TOX: variants seen among roughly 807,000 people sequenced by gnomAD.
The protein encoded by TOX is thymocyte selection associated high mobility group box.
Under a neutral mutation model 53.7 loss-of-function variants are expected in TOX, and 11 were observed. The observed-to-expected ratio is 0.20, with a 90% confidence interval of 0.13 to 0.34. TOX has a LOEUF of 0.34. Ranked by LOEUF, TOX falls within the 10% of genes least tolerant of loss-of-function variation. The pLI is 1.00. For synonymous variants in TOX, 225 were observed against 245.3 expected (o/e 0.92, Z 0.77); for missense variants, 570 against 664.6 (o/e 0.86, Z 1.56).
chr8:58,984,964 TG>T (rs1261775037), intron 1 of TOX, among the ~76,000 whole-genome samples: 1 of 151,216 alleles, frequency 6.6e-6, no homozygotes, highest in Non-Finnish European at 1.5e-5. Context: ...ATTTAACCTC[TG>T]GGTATATAAT....
chr8:59,042,958 G>T (rs1056393748), intron 1 of TOX, among the ~76,000 whole-genome samples: 1 of 152,050 alleles, frequency 6.6e-6, no homozygotes, highest in Admixed American at 6.6e-5. Flanking sequence ...CATCTTAAAT[G>T]TATTCTCAAC....
rs988459246 is a variant in TOX, at chr8:58,805,756, A to T, written c.*1991T>A. On this transcript the variant is annotated 3_prime_UTR_variant, in exon 9 of 9. Transcript: ENST00000361421. ...AATAAACTGTGAACTTAATCACATG[A>T]GTTCTTATACAGTTTCAAGACAGGA... The T allele has an allele frequency of 6.6e-6, 1 of 152,666 alleles. No homozygotes were observed. The highest frequency in any genetic ancestry group is 1.5e-5 in the Non-Finnish European group (1 of 68,034). 9.5% of individuals were successfully genotyped at this position (152,666 alleles called of 1,614,324 possible).
intron 3 of TOX, among the ~76,000 whole-genome samples, chr8:58,895,221 T>C (rs890431669): frequency 1.3e-5 from 2 of 152,188 alleles, no homozygotes. Flanking sequence ...GATAGAGTTT[T>C]GATTGCTTGG....
intron 3 of TOX, among the ~76,000 whole-genome samples, chr8:58,926,410 G>A (rs13439552): frequency 0.013 from 2,007 of 152,236 alleles, 58 homozygotes; most frequent in African/African-American, 0.046. Context: ...TCCCAGCCAC[G>A]TCAATTTATC....
intron 1 of TOX, among the ~76,000 whole-genome samples, chr8:58,979,606 C>A (rs556797705): frequency 2.0e-5 from 3 of 152,230 alleles, no homozygotes; most frequent in African/African-American, 7.2e-5. Context: ...GATATTTTTG[C>A]ATTCAAGCTA....
chr8:59,055,211 CA>C (rs1563431834), intron 1 of TOX, among the ~76,000 whole-genome samples: 1 of 152,142 alleles, frequency 6.6e-6, no homozygotes, highest in African/African-American at 2.4e-5. Context: ...GTGCTCCGAT[CA>C]GCTGCAAACA....
At chr8:58,853,261 T>C (rs1810856797) in intron 3 of TOX, among the ~76,000 whole-genome samples, 3 of 152,196 alleles carry the variant, frequency 2.0e-5, no homozygotes, top group Admixed American at 2.0e-4. Flanking sequence ...ACCTGCCTTT[T>C]CTAAGTCCGA....
intron 6 of TOX, among the ~76,000 whole-genome samples, chr8:58,821,021 A>G (rs1350634737): frequency 6.6e-6 from 1 of 152,212 alleles, no homozygotes; most frequent in Non-Finnish European, 1.5e-5. Flanking sequence ...AATAGCGTGT[A>G]AAATTGCTTA....
chr8:58,907,427 C>G (rs1282459091), intron 3 of TOX, among the ~76,000 whole-genome samples: 1 of 152,110 alleles, frequency 6.6e-6, no homozygotes, highest in Non-Finnish European at 1.5e-5. Context: ...AACTTCATCT[C>G]TACTAAAAAT....
At chr8:59,012,615 T>A (rs1015059943) in intron 1 of TOX, among the ~76,000 whole-genome samples, 15 of 152,248 alleles carry the variant, frequency 9.9e-5, no homozygotes, top group African/African-American at 3.6e-4. Context: ...AAAAGGCTTC[T>A]GGAATTATAA....
chr8:59,006,190 T>C (rs1813789625), intron 1 of TOX, among the ~76,000 whole-genome samples: 1 of 152,240 alleles, frequency 6.6e-6, no homozygotes, highest in Non-Finnish European at 1.5e-5. Flanking sequence ...TGTGCTTTTA[T>C]TTAGTAAGAG....
chr8:59,092,318 C>CATT (rs1554545797), intron 1 of TOX, among the ~76,000 whole-genome samples: 2 of 101,800 alleles, frequency 2.0e-5, no homozygotes, highest in East Asian at 5.2e-4. Context: ...ATTATATATA[C>CATT]ATATATATAT....
chr8:58,808,019 C>T, intron 8 of TOX, 99 bp downstream of exon 8: 1 of 1,485,020 alleles, frequency 6.7e-7, no homozygotes, highest in Non-Finnish European at 9.1e-7. Context: ...GTGAAACTAT[C>T]CCGGATCATG....
chr8:58,961,928 T>C (rs1162518821), intron 1 of TOX, among the ~76,000 whole-genome samples: 1 of 152,236 alleles, frequency 6.6e-6, no homozygotes. Context: ...CACCCACTGT[T>C]GGAGTACACT....
intron 1 of TOX, among the ~76,000 whole-genome samples, chr8:59,111,164 T>C (rs1290391961): frequency 2.6e-5 from 4 of 152,112 alleles, no homozygotes; most frequent in African/African-American, 9.7e-5. Flanking sequence ...GGGAATCACA[T>C]CCTCTTATGG....
chr8:59,040,808 G>A (rs991494643), intron 1 of TOX, among the ~76,000 whole-genome samples: 18 of 152,294 alleles, frequency 1.2e-4, no homozygotes, highest in African/African-American at 4.1e-4. Context: ...GCTGCCTCTG[G>A]GCTTGGGATG....
At chr8:59,106,432 T>C (rs561439237) in intron 1 of TOX, among the ~76,000 whole-genome samples, 1 of 152,196 alleles carries the variant, frequency 6.6e-6, no homozygotes, top group South Asian at 2.1e-4. Flanking sequence ...AAGTATATTA[T>C]AAGTACAGAG....
At position 59,118,952 on chromosome 8, in the gene TOX, G is replaced by C. The variant is rs1489605334; in HGVS notation, c.36C>G (p.Pro12=). 1.2e-6 allele frequency: 2 copies of C among 1,602,676 alleles called. No homozygotes were observed. Among genetic ancestry groups the C allele is most frequent in the Non-Finnish European group, 1.7e-6 (2 of 1,174,200 alleles). Residue 12 remains proline, a synonymous_variant, in exon 1 of 9, where the codon CCC becomes CCG. Coordinates refer to ENST00000361421, the MANE Select transcript of TOX (RefSeq NM_014729.3). This position sits in a 1 kb window ranked among gnomAD's most constrained non-coding sequence, Gnocchi z 4.1. ...DVRFYPPPAQ[P]AAAPDAPCLG... ...GACAGGGAGCGTCGGGCGCAGCGGC[G>C]GGCTGGGCTGGAGGTGGATAAAATC...
At chr8:58,963,562 G>A (rs2129178846) in intron 1 of TOX, among the ~76,000 whole-genome samples, 1 of 152,272 alleles carries the variant, frequency 6.6e-6, no homozygotes, top group African/African-American at 2.4e-5. Flanking sequence ...GATTTGCTAT[G>A]AGACTCTCTG....
Sources: gnomAD v4.1 joint callset for allele counts (sites outside exome capture counted in the v4.1 genomes callset) on GRCh38, gnomAD v4.1.1 for gene constraint, Gnocchi (gnomAD v3.1) non-coding constraint, MANE v1.5 for transcripts, NCBI Gene and HGNC (gene_info 2026-07-23, HGNC 2026-07-21) for gene names.